RPS20: variants seen among roughly 807,000 people sequenced by gnomAD.
The protein encoded by RPS20 is ribosomal protein S20, also known as small ribosomal subunit protein uS10.
Under a neutral mutation model 15.3 loss-of-function variants are expected in RPS20, and 3 were observed. The observed-to-expected ratio is 0.20, with a 90% CI of 0.09 to 0.51. The LOEUF is 0.51. RPS20 is among the 20% of genes least tolerant of loss of function. The pLI is 0.96. For missense variants in RPS20, 67 were observed against 145.9 expected, an observed-to-expected ratio of 0.46 and a Z score of 2.79; for synonymous variants, 62 against 47.8, an observed-to-expected ratio of 1.30 and a Z score of -1.23.
chr8:56,073,925 T>G, intron 2 of RPS20, 135 bp downstream of exon 2: 2 of 1,104,900 alleles, frequency 1.8e-6, no homozygotes, highest in Non-Finnish European at 2.8e-6. Context: ...AAAAGCAATT[T>G]TAAGCCACGC....
At chr8:56,067,761 T>C (rs555339086) in exon 6 of RPS20, 2 of 151,476 alleles carry the variant, frequency 1.3e-5, no homozygotes, top group Admixed American at 1.3e-4. Context: ...CTAAATAAAA[T>C]GTCAGTCACA....
At chr8:56,072,609 T>A (rs200601390), downstream of RPS20, among the ~76,000 whole-genome samples, 17 of 139,788 alleles carry the variant, frequency 1.2e-4, no homozygotes, top group East Asian at 2.8e-3. Flanking sequence ...ACTGAAAATA[T>A]AAGTATTTTT....
At chr8:56,070,897 C>T (rs1249574302), downstream of RPS20, among the ~76,000 whole-genome samples, 2 of 152,180 alleles carry the variant, frequency 1.3e-5, no homozygotes, top group African/African-American at 4.8e-5. Context: ...CTTCCTTTAA[C>T]TCCCATCCAT....
downstream of RPS20, among the ~76,000 whole-genome samples, chr8:56,072,625 A>AAGGTTTAGTTCCTAAAACCCTAAAACTT (rs1491401497): frequency 0.039 from 5,942 of 151,692 alleles, 374 homozygotes; most frequent in African/African-American, 0.14. Flanking sequence ...TTTTTAAACT[A>AAGGTTTAGTTCCTAAAACCCTAAAACTT]AGTTTTAGTT....
chr8:56,072,558 C>A (rs111329631), downstream of RPS20, among the ~76,000 whole-genome samples: 38,339 of 138,862 alleles, frequency 0.28, 5,415 homozygotes, highest in Middle Eastern at 0.36. Context: ...TCCCCCCCCC[C>A]AAAAAAAAAA....
rs1809826653 is a variant in RPS20, at chr8:56,073,449, A to AG, written c.178-178dup. On this transcript the variant is annotated intron_variant, in intron 3 of 3. Transcript: ENST00000009589. ...ATGCCAGGTCTGTTTTCACTGTGCTAGGACACCACCCTTAGAGCTTGCGCC... is the reference window on the plus strand; with the variant it reads ...ATGCCAGGTCTGTTTTCACTGTGCTAGGGACACCACCCTTAGAGCTTGCGCC... 2.8e-5 allele frequency: 18 copies of AG among 639,240 alleles called. No homozygotes were observed. The South Asian group carries it at 3.0e-4, about 11-fold the overall frequency. The allele number at this position is 639,240 out of a possible 1,614,324, so 39.6% of individuals were successfully genotyped here.
downstream of RPS20, chr8:56,072,817 C>T: frequency 9.0e-7 from 1 of 1,112,228 alleles, no homozygotes; most frequent in Non-Finnish European, 1.1e-6. Context: ...CACCCCATAC[C>T]AATCAGAATT....
chr8:56,073,529 C>T, intron 3 of RPS20, 166 bp downstream of exon 3: 2 of 673,402 alleles, frequency 3.0e-6, no homozygotes, highest in East Asian at 5.3e-5. Flanking sequence ...ACAATCATAT[C>T]TAAACATTAG....
At chr8:56,069,225 C>T (rs969271963), downstream of RPS20, among the ~76,000 whole-genome samples, 2 of 151,518 alleles carry the variant, frequency 1.3e-5, no homozygotes, top group Non-Finnish European at 2.9e-5. Context: ...ATTGATTTTG[C>T]GCCTCTGACT....
chr8:56,073,388 T>G (rs1809823927), intron 3 of RPS20, 116 bp from the exon 4 acceptor site: 1 of 752,476 alleles, frequency 1.3e-6, no homozygotes, highest in Non-Finnish European at 2.2e-6. Context: ...TGATTCCAAT[T>G]TACACTAATA....
At chr8:56,073,586 G>T in intron 3 of RPS20, 109 bp downstream of exon 3, 1 of 867,464 alleles carries the variant, frequency 1.2e-6, no homozygotes, top group Non-Finnish European at 2.0e-6. Flanking sequence ...ATGTGCGTTT[G>T]TAGACAGCAT....
chr8:56,073,004 C>G (rs142522386), downstream of RPS20: 1 of 1,533,856 alleles, frequency 6.5e-7, no homozygotes, highest in African/African-American at 1.4e-5. Context: ...TCATAGTACA[C>G]CTTTATATTC....
downstream of RPS20, among the ~76,000 whole-genome samples, chr8:56,070,371 T>C (rs906498343): frequency 1.3e-5 from 2 of 152,198 alleles, no homozygotes; most frequent in Non-Finnish European, 2.9e-5. Context: ...AGATTCTACT[T>C]CTGTACTCTT....
chr8:56,073,153 C>T lies in RPS20; in HGVS notation c.297G>A (p.Lys99=), dbSNP rs1809813751. ...IDLHSPSEIV[K]QITSISIEPG... The stretch of plus-strand genomic sequence containing the variant: ...GCTCAATACTGATGGAAGTAATCTG[C>T]TTAACAATCTCAGAAGGACTGTGCA... The change falls in exon 4 of 4, where the codon AAG becomes AAA. Residue 99 remains lysine, a synonymous_variant. Transcript: ENST00000009589. The T allele has an allele frequency of 2.5e-6, 4 of 1,598,544 alleles. No homozygotes were observed. Among genetic ancestry groups the T allele is most frequent in the East Asian group, 2.2e-5 (1 of 44,878 alleles).
At position 56,073,078 on chromosome 8, in the gene RPS20, A is replaced by G. The variant is rs368670078; in HGVS notation, c.*12T>C. 8.8e-6 allele frequency: 14 copies of G among 1,588,068 alleles called. No homozygotes were observed. Among genetic ancestry groups the G allele is most frequent in the Admixed American group, 3.5e-5 (2 of 57,752 alleles). On this transcript the variant is annotated 3_prime_UTR_variant, in exon 4 of 4. Transcript: ENST00000009589. ...GTTAACAACTGGTCATCAATTTATT[A>G]AAATAGTTGACTTAAGCATCTGCAA...
At chr8:56,069,495 C>T (rs1809696587), downstream of RPS20, among the ~76,000 whole-genome samples, 2 of 152,132 alleles carry the variant, frequency 1.3e-5, no homozygotes, top group African/African-American at 4.8e-5. Flanking sequence ...GGCAGGGTTT[C>T]ACTGTGTTGG....
downstream of RPS20, among the ~76,000 whole-genome samples, chr8:56,069,535 G>A (rs1253391498): frequency 1.3e-5 from 2 of 152,140 alleles, no homozygotes; most frequent in African/African-American, 2.4e-5. Context: ...CTGACCTCAG[G>A]TGATCCGCCC....
chr8:56,074,412 C>G lies in RPS20; in HGVS notation c.-29G>C. On this transcript the variant is annotated 5_prime_UTR_variant, in exon 1 of 4. Transcript: ENST00000009589. ...TGTTGCGCGCGGGCTTCCTGACCGA[C>G]TTGTTCCTCGGCGAGAGCGAACAGC... 1 of 1,554,848 alleles carries G rather than the reference C, an allele frequency of 6.4e-7. No homozygotes were observed. The highest frequency in any genetic ancestry group is 8.6e-7 in the Non-Finnish European group (1 of 1,156,112).
rs756544692 is a variant in RPS20 at position 56,074,388 on chromosome 8, G to A, written c.-5C>T. The A allele has an allele frequency of 6.4e-7, 1 of 1,560,350 alleles. No individual in the cohort carries two copies. The highest frequency in any genetic ancestry group is 8.6e-7 in the Non-Finnish European group (1 of 1,158,840). On this transcript the variant is annotated 5_prime_UTR_variant, in exon 1 of 4. Coordinates refer to ENST00000009589, the MANE Select transcript of RPS20 (RefSeq NM_001023.4). The stretch of plus-strand genomic sequence containing the variant: ...CGCCGACTGCCGCCTCACCATGGCT[G>A]TTGCGCGCGGGCTTCCTGACCGACT...
Sources: gnomAD v4.1 joint callset for allele counts (sites outside exome capture counted in the v4.1 genomes callset) on GRCh38, gnomAD v4.1.1 for gene constraint, MANE v1.5 for transcripts, NCBI Gene and HGNC (gene_info 2026-07-23, HGNC 2026-07-21) for gene names.